ABR: variants seen among roughly 807,000 people sequenced by gnomAD.
The protein encoded by ABR is ABR activator of RhoGEF and GTPase, also known as active breakpoint cluster region-related protein.
In ABR, 35 loss-of-function variants were observed where a neutral mutation model predicts 107.2. The ratio of observed to expected loss-of-function variants is 0.33; its 90% CI spans 0.25 to 0.43. The LOEUF is 0.43. Among genes scored for constraint, ABR ranks in the 20% least tolerant of loss-of-function variants. The probability of loss-of-function intolerance (pLI) is 1.00; values close to 1 mark genes in which losing one functional copy is unlikely to be tolerated. For missense variants in ABR, 815 were observed against 1,115.2 expected (o/e 0.73, Z 3.83); for synonymous variants, 498 against 462.0 (o/e 1.08, Z -1.00).
chr17:1,180,250 C>T (rs918679744), upstream of ABR, among the ~76,000 whole-genome samples: 4 of 152,116 alleles, frequency 2.6e-5, no homozygotes, highest in East Asian at 1.9e-4. Flanking sequence ...AGGATCCTGG[C>T]GATCCGCAAA....
chr17:1,175,709 T>G (rs1485571056), intron 1 of ABR, among the ~76,000 whole-genome samples: 1 of 151,992 alleles, frequency 6.6e-6, no homozygotes, highest in Non-Finnish European at 1.5e-5. Flanking sequence ...TGCCCAACCC[T>G]CATCAAATGA....
At chr17:1,108,238 G>C (rs947119709) in intron 2 of ABR, among the ~76,000 whole-genome samples, 32 of 152,278 alleles carry the variant, frequency 2.1e-4, no homozygotes, top group Non-Finnish European at 3.2e-4. Flanking sequence ...CAGACTCACA[G>C]AGCCGGCGTG....
chr17:1,011,097 G>A lies in ABR; in HGVS notation c.2102-234C>T, dbSNP rs1487242039. On this transcript the variant is annotated intron_variant, in intron 19 of 22. Transcript: ENST00000302538. The surrounding 1 kb of genome is among the most constrained non-coding windows in gnomAD (Gnocchi z 4.8). ...CTGCTGTGGCTGCTTGGGAAAGGGTGTTTGGGGAGTGAAATCCATCACCCA... is the reference window on the plus strand; with the variant it reads ...CTGCTGTGGCTGCTTGGGAAAGGGTATTTGGGGAGTGAAATCCATCACCCA... 1.8e-6 allele frequency: 1 copy of A among 554,720 alleles called. No homozygotes were observed. Among genetic ancestry groups the A allele is most frequent in the East Asian group, 3.1e-5 (1 of 32,008 alleles). 34.4% of individuals were successfully genotyped at this position (554,720 alleles called of 1,614,324 possible).
intron 5 of ABR, among the ~76,000 whole-genome samples, chr17:1,080,517 A>G (rs2036145391): frequency 6.6e-6 from 1 of 152,124 alleles, no homozygotes; most frequent in African/African-American, 2.4e-5. Context: ...GAGGGAAGGC[A>G]GGAGGCAAGG....
At chr17:1,220,979 G>A (rs28635578) in intron 1 of ABR, among the ~76,000 whole-genome samples, 31,436 of 152,068 alleles carry the variant, frequency 0.21, 3,864 homozygotes, top group Non-Finnish European at 0.28. Context: ...CTACTGCCTT[G>A]CACAGGGCCG....
chr17:1,111,236 T>C (rs1188826851), intron 2 of ABR, among the ~76,000 whole-genome samples: 1 of 152,156 alleles, frequency 6.6e-6, no homozygotes, highest in Non-Finnish European at 1.5e-5. Flanking sequence ...CTACACGGCA[T>C]GGTGAGACTG....
Position 1,186,141 on chromosome 17 carries a change from T to G in ABR, c.-78+659A>C, listed in dbSNP as rs557731147. Among the ~76,000 whole-genome samples, 4 of 152,222 alleles carry G rather than the reference T, an allele frequency of 2.6e-5. No homozygotes were observed. The South Asian group carries it at 6.2e-4, about 24-fold the overall frequency. On this transcript the variant is annotated intron_variant, in intron 1 of 22. Transcript: ENST00000544583. Reference sequence around the variant, plus strand: ...CGTGAGCCACCATGTGCGGCCAGCATTTACTATTCTAAGATTCATCCTCAG... The same window carrying G: ...CGTGAGCCACCATGTGCGGCCAGCAGTTACTATTCTAAGATTCATCCTCAG...
intron 6 of ABR, among the ~76,000 whole-genome samples, chr17:1,076,646 A>G (rs1597698657): frequency 7.0e-6 from 1 of 143,620 alleles, no homozygotes; most frequent in Non-Finnish European, 1.5e-5. Flanking sequence ...GTCTGTGGTC[A>G]CCTCCAGAGT....
In ABR at chr17:1,094,043, G is replaced by A. The variant is rs76541864; in HGVS notation, c.346-2193C>T. Among the ~76,000 whole-genome samples the A allele has an allele frequency of 4.6e-3, 701 of 150,782 alleles. 5 individuals carry two copies. The highest frequency in any genetic ancestry group is 0.016 in the African/African-American group (669 of 40,592). On this transcript the variant is annotated intron_variant, in intron 3 of 22. Coordinates refer to ENST00000302538, the MANE Select transcript of ABR (RefSeq NM_021962.5). The stretch of plus-strand genomic sequence containing the variant: ...GCTGTGCTAGAATCAATGGCCCCTC[G>A]GTGTCCGGTCAGGCCCCTCCTTCTG...
At chr17:1,228,824 G>C (rs921611933) in exon 1 of ABR, 1 of 151,926 alleles carries the variant, frequency 6.6e-6, no homozygotes, top group African/African-American at 2.4e-5. Flanking sequence ...GGTCGGAGCT[G>C]TGCCGGCTGC....
At chr17:1,007,142 G>A (rs552731787) in intron 22 of ABR, 23 bp downstream of exon 22, 7 of 1,557,136 alleles carry the variant, frequency 4.5e-6, no homozygotes, top group Admixed American at 2.1e-5. Context: ...CGCCAGCCAC[G>A]GGCCCGGGCG....
chr17:1,130,429 C>T (rs1472008551), intron 1 of ABR, among the ~76,000 whole-genome samples: 1 of 152,016 alleles, frequency 6.6e-6, no homozygotes, highest in Admixed American at 6.5e-5. Context: ...ACCCTCCCCA[C>T]AGCAGCCGGG....
At chr17:1,019,324 C>G (rs1232104073) in intron 16 of ABR, among the ~76,000 whole-genome samples, 1 of 152,272 alleles carries the variant, frequency 6.6e-6, no homozygotes, top group Non-Finnish European at 1.5e-5. Flanking sequence ...GATCTACCCT[C>G]TGCAGCCTCC....
chr17:1,008,359 G>A (rs2070227941), intron 21 of ABR, among the ~76,000 whole-genome samples: 1 of 152,226 alleles, frequency 6.6e-6, no homozygotes, highest in South Asian at 2.1e-4. Context: ...CCAGGCAGGA[G>A]CTGTGGCTGC....
chr17:1,188,121 C>T (rs568992665), upstream of ABR, among the ~76,000 whole-genome samples: 42 of 149,954 alleles, frequency 2.8e-4, no homozygotes, highest in Admixed American at 2.6e-3. Context: ...AGGCTGAAGC[C>T]GGAAAATCAC....
At chr17:1,098,337 A>G (rs1338422295) in intron 3 of ABR, among the ~76,000 whole-genome samples, 7 of 151,906 alleles carry the variant, frequency 4.6e-5, no homozygotes, top group African/African-American at 1.5e-4. Context: ...TCAGCCTCCC[A>G]AAGTGCTGGG....
chr17:1,160,407 A>C (rs1214530226), intron 1 of ABR, among the ~76,000 whole-genome samples: 1 of 152,198 alleles, frequency 6.6e-6, no homozygotes, highest in African/African-American at 2.4e-5. Context: ...AGTAGGAATT[A>C]CACCCCAAAT....
chr17:1,149,363 T>C (rs1387699398), intron 1 of ABR, among the ~76,000 whole-genome samples: 1 of 151,334 alleles, frequency 6.6e-6, no homozygotes, highest in African/African-American at 2.4e-5. Context: ...TGAAGAGGGG[T>C]TGGGAGTCAC....
At chr17:1,116,747 C>T (rs1374309138) in intron 2 of ABR, among the ~76,000 whole-genome samples, 1 of 152,210 alleles carries the variant, frequency 6.6e-6, no homozygotes, top group Admixed American at 6.5e-5. Flanking sequence ...CGGGGGCAGC[C>T]CCATGGCTGG....
Sources: allele counts gnomAD v4.1 joint callset (sites outside exome capture counted in the v4.1 genomes callset), GRCh38; gene constraint gnomAD v4.1.1; non-coding constraint Gnocchi (gnomAD v3.1); transcripts MANE v1.5; gene names NCBI Gene and HGNC (gene_info 2026-07-23, HGNC 2026-07-21).